The following PDE1A variants were observed in gnomAD, a reference collection of about 807,000 sequenced individuals.
The protein encoded by PDE1A is dual specificity calcium/calmodulin-dependent 3',5'-cyclic nucleotide phosphodiesterase 1A.
In PDE1A, 35 loss-of-function variants were observed where a neutral mutation model predicts 61.7. The ratio of observed to expected loss-of-function variants is 0.57; its 90% CI spans 0.43 to 0.75. The LOEUF (loss-of-function observed/expected upper bound fraction) is 0.75. Among genes scored for constraint, PDE1A ranks in the 30% least tolerant of loss-of-function variants. The pLI is 0.00. For synonymous variants in PDE1A, 232 were observed against 213.2 expected (o/e 1.09, Z -0.77); for missense variants, 597 against 630.6 (o/e 0.95, Z 0.57).
chr2:182,444,111 CTAAA>C (rs775452400), intron 2 of PDE1A, among the ~76,000 whole-genome samples: 1 of 152,188 alleles, frequency 6.6e-6, no homozygotes, highest in Non-Finnish European at 1.5e-5. Flanking sequence ...CACTCATTCA[CTAAA>C]TAGACACATG....
chr2:182,456,343 A>T (rs1351503029), intron 2 of PDE1A, among the ~76,000 whole-genome samples: 2 of 152,046 alleles, frequency 1.3e-5, no homozygotes, highest in Non-Finnish European at 2.9e-5. Flanking sequence ...TCCAATGCAC[A>T]CTAGTTTCAA....
chr2:182,447,036 T>C (rs568554425), intron 2 of PDE1A, among the ~76,000 whole-genome samples: 41 of 151,852 alleles, frequency 2.7e-4, no homozygotes, highest in Non-Finnish European at 5.6e-4. Flanking sequence ...TACATTAAAC[T>C]CCAGAATTAC....
At chr2:182,197,212 T>G (rs1224631697) in intron 10 of PDE1A, among the ~76,000 whole-genome samples, 3 of 151,910 alleles carry the variant, frequency 2.0e-5, no homozygotes, top group Non-Finnish European at 2.9e-5. Flanking sequence ...TATTACCTAC[T>G]TGTACATTTC....
rs752525943 is a variant in PDE1A at position 182,185,992 on chromosome 2, T to TG, written c.1415dup (p.Asp473ArgfsTer43). Reference sequence around the variant, plus strand: ...GGTCCACTGCTGCAAGGGAGTAGTCTGGGGAATAGGACCCATCACTCATGG... The same window carrying TG: ...GGTCCACTGCTGCAAGGGAGTAGTCTGGGGGAATAGGACCCATCACTCATGG... On this transcript the variant is annotated frameshift_variant, in exon 13 of 14. Transcript: ENST00000351439. LOFTEE classifies it high-confidence loss of function. The TG allele has an allele frequency of 2.5e-6, 4 of 1,614,082 alleles. 1 individual carries two copies. In the South Asian group the frequency reaches 4.4e-5, roughly 18 times the overall value.
intron 1 of PDE1A, among the ~76,000 whole-genome samples, chr2:182,338,466 T>C (rs571642319): frequency 5.3e-5 from 8 of 152,310 alleles, no homozygotes; most frequent in African/African-American, 1.9e-4. Flanking sequence ...ACTTTACTCA[T>C]CACAATATCA....
At chr2:182,567,585 T>C in the PDE1A span, among the ~76,000 whole-genome samples, 1 of 152,074 alleles carries the variant, frequency 6.6e-6, no homozygotes, top group Non-Finnish European at 1.5e-5. Flanking sequence ...GCAAATACAG[T>C]GATTTCTAAT....
chr2:182,150,164 G>A (rs1690701937), intron 13 of PDE1A, among the ~76,000 whole-genome samples: 1 of 152,118 alleles, frequency 6.6e-6, no homozygotes, highest in Non-Finnish European at 1.5e-5. Flanking sequence ...TACCATAAAT[G>A]TTGATGCGTA....
chr2:182,716,508 C>T, the PDE1A span: 1 of 152,574 alleles, frequency 6.6e-6, no homozygotes, highest in African/African-American at 2.4e-5. Context: ...GGGGCTAGGG[C>T]TTTGCTGGAG....
downstream of PDE1A, among the ~76,000 whole-genome samples, chr2:182,166,981 A>T (rs984376529): frequency 6.6e-5 from 10 of 152,148 alleles, no homozygotes; most frequent in Admixed American, 2.0e-4. Context: ...AACTTAGCTA[A>T]CCTTAAACTG....
intron 13 of PDE1A, among the ~76,000 whole-genome samples, chr2:182,169,922 GCACACACA>G (rs1052290375): frequency 1.4e-4 from 12 of 87,666 alleles, no homozygotes; most frequent in African/African-American, 3.4e-4. Context: ...ACACACACAC[GCACACACA>G]CACACACACT....
rs555587760 is a variant in PDE1A, at chr2:182,436,616, A to G, written c.101+85660T>C. Among the ~76,000 whole-genome samples, 20 of 152,062 alleles carry G rather than the reference A, an allele frequency of 1.3e-4. No homozygotes were observed. In the East Asian group the frequency reaches 1.4e-3, roughly 10 times the overall value. ...CCTCATCTGCTCTTTACATGACCCA[A>G]TGGAAAATGTGGAGGGAGGAAAGTT... On this transcript the variant is annotated intron_variant, in intron 2 of 14. Coordinates refer to the PDE1A transcript ENST00000410103.
At chr2:182,648,388 C>CA in the PDE1A span, among the ~76,000 whole-genome samples, 15 of 151,242 alleles carry the variant, frequency 9.9e-5, no homozygotes, top group African/African-American at 3.7e-4. Context: ...GTAATAAGTC[C>CA]AGGCTGGGCA....
the PDE1A span, among the ~76,000 whole-genome samples, chr2:182,680,627 C>G: frequency 3.2e-4 from 48 of 152,250 alleles, no homozygotes; most frequent in East Asian, 7.7e-3. Flanking sequence ...TTGTGAGTTA[C>G]TAGGAAATGG....
chr2:182,710,503 C>T, the PDE1A span, among the ~76,000 whole-genome samples: 178 of 152,320 alleles, frequency 1.2e-3, no homozygotes, highest in African/African-American at 4.0e-3. Flanking sequence ...ACTACCATCT[C>T]TCCTTTTCCC....
At chr2:182,376,130 G>T (rs10931009) in intron 1 of PDE1A, among the ~76,000 whole-genome samples, 41,891 of 152,202 alleles carry the variant, frequency 0.28, 6,222 homozygotes, top group East Asian at 0.43. Context: ...TTGTCTTGGG[G>T]TTTAACATTT....
At chr2:182,409,327 CA>C (rs1702479601) in intron 1 of PDE1A, among the ~76,000 whole-genome samples, 1 of 152,110 alleles carries the variant, frequency 6.6e-6, no homozygotes. Context: ...ATATTGGATA[CA>C]AACTTAATTA....
the PDE1A span, among the ~76,000 whole-genome samples, chr2:182,683,289 G>A: frequency 6.6e-6 from 1 of 151,946 alleles, no homozygotes; most frequent in African/African-American, 2.4e-5. Context: ...ATCTTGGCCA[G>A]GCTGGTCTTG....
chr2:182,646,157 T>C, the PDE1A span, among the ~76,000 whole-genome samples: 1 of 152,006 alleles, frequency 6.6e-6, no homozygotes, highest in Non-Finnish European at 1.5e-5. Flanking sequence ...GCTAATTACA[T>C]TAAGAATTAA....
At chr2:182,549,007 A>G in the PDE1A span, among the ~76,000 whole-genome samples, 1 of 152,230 alleles carries the variant, frequency 6.6e-6, no homozygotes, top group Non-Finnish European at 1.5e-5. Context: ...GTGAAGGTAA[A>G]TGTATATTAG....
Sources: allele counts gnomAD v4.1 joint callset (sites outside exome capture counted in the v4.1 genomes callset), GRCh38; gene constraint gnomAD v4.1.1; transcripts MANE v1.5; gene names NCBI Gene and HGNC (gene_info 2026-07-23, HGNC 2026-07-21).